The following SLAMF9 variants were observed in gnomAD, a reference collection of about 807,000 sequenced individuals.
The protein encoded by SLAMF9 is SLAM family member 9, also known as CD2 family member 10.
SLAMF9 carries 25 observed loss-of-function variants against 30.4 expected under a neutral mutation model. The observed-to-expected ratio is 0.82, with a 90% confidence interval of 0.60 to 1.15. The LOEUF (loss-of-function observed/expected upper bound fraction) is 1.15. SLAMF9 is among the 50% of genes most tolerant of loss of function. The probability of loss-of-function intolerance (pLI) is 0.00; values close to 1 mark genes in which losing one functional copy is unlikely to be tolerated. For missense variants in SLAMF9, 344 were observed against 346.1 expected (o/e 0.99, Z 0.05); for synonymous variants, 129 against 127.2 (o/e 1.01, Z -0.09).
At chr1:159,975,703 G>C in the SLAMF9 span, among the ~76,000 whole-genome samples, 1 of 152,230 alleles carries the variant, frequency 6.6e-6, no homozygotes, top group Non-Finnish European at 1.5e-5. Context: ...AGAGAGAGGT[G>C]TCAGCTGAAA....
the SLAMF9 span, chr1:159,977,001 A>G: frequency 9.3e-6 from 1 of 107,200 alleles, no homozygotes. Context: ...AAAGAAAGAA[A>G]GAAAGAGAAA....
At chr1:159,982,483 A>G in the SLAMF9 span, among the ~76,000 whole-genome samples, 3 of 152,116 alleles carry the variant, frequency 2.0e-5, no homozygotes, top group Non-Finnish European at 4.4e-5. Context: ...ATCCATGCAA[A>G]TGTTCCCTTC....
chr1:159,960,025 T>C, the SLAMF9 span, among the ~76,000 whole-genome samples: 2 of 151,760 alleles, frequency 1.3e-5, no homozygotes, highest in East Asian at 3.9e-4. Flanking sequence ...TATATATATA[T>C]ATATTATACT....
the SLAMF9 span, chr1:159,976,965 A>AGAAAGAAAGAAG: frequency 2.0e-4 from 10 of 51,218 alleles, no homozygotes; most frequent in African/African-American, 3.5e-4. Flanking sequence ...AGAAAGAGAA[A>AGAAAGAAAGAAG]GAAAGAAGGA....
rs1295039184 is a variant in SLAMF9 at position 159,954,130 on chromosome 1, G to A, written c.8C>T (p.Ala3Val). The change falls in exon 1 of 4, where the codon GCC becomes GTC. Residue 3 changes from alanine (A) to valine (V), a missense_variant. Coordinates refer to ENST00000368093, the MANE Select transcript of SLAMF9 (RefSeq NM_033438.4). ...CAGGAGAAGAAGCAGCCAAGGAAAGGCACACATGTCAGCAGCCCCCAGCCC... is the reference window on the plus strand; with the variant it reads ...CAGGAGAAGAAGCAGCCAAGGAAAGACACACATGTCAGCAGCCCCCAGCCC... MC[A>V]FPWLLLLLLL... The A allele has an allele frequency of 1.9e-6, 3 of 1,613,954 alleles. No homozygotes were observed. The highest frequency in any genetic ancestry group is 2.2e-5 in the South Asian group (2 of 91,086).
At chr1:159,969,065 G>C in the SLAMF9 span, among the ~76,000 whole-genome samples, 1 of 152,070 alleles carries the variant, frequency 6.6e-6, no homozygotes, top group Non-Finnish European at 1.5e-5. Flanking sequence ...AGAAGAAGAG[G>C]TAGGGAAGAG....
chr1:159,967,769 C>G, the SLAMF9 span, among the ~76,000 whole-genome samples: 2 of 152,136 alleles, frequency 1.3e-5, no homozygotes, highest in Non-Finnish European at 1.5e-5. Context: ...TGTTTTCATT[C>G]ATTTCTTTCA....
At chr1:159,964,428 G>A in the SLAMF9 span, among the ~76,000 whole-genome samples, 3 of 152,234 alleles carry the variant, frequency 2.0e-5, no homozygotes, top group East Asian at 3.9e-4. Context: ...AAGGACTGCC[G>A]CAGGGAAGCA....
the SLAMF9 span, among the ~76,000 whole-genome samples, chr1:159,982,704 G>T: frequency 7.2e-5 from 11 of 152,268 alleles, no homozygotes; most frequent in South Asian, 2.3e-3. Flanking sequence ...GTCTATATGG[G>T]TACATATGCA....
rs1651738987 is a variant in SLAMF9 at position 159,951,520 on chromosome 1, C to G, written c.*141G>C. On this transcript the variant is annotated 3_prime_UTR_variant, in exon 4 of 4. Coordinates refer to ENST00000368093, the MANE Select transcript of SLAMF9 (RefSeq NM_033438.4). ...TGGTCACTTAATTTGACTTTATTGC[C>G]AGCCAGTCTTCCCTCAGAAGTATGG... The G allele has an allele frequency of 1.4e-6, 1 of 725,090 alleles. No individual in the cohort carries two copies. The highest frequency in any genetic ancestry group is 2.3e-6 in the Non-Finnish European group (1 of 443,034). 44.9% of individuals were successfully genotyped at this position (725,090 alleles called of 1,614,324 possible). A position where few individuals can be genotyped will look rare whatever the true frequency, so the allele number is the denominator to read the frequency against.
At chr1:159,979,069 G>C in the SLAMF9 span, 5 of 152,172 alleles carry the variant, frequency 3.3e-5, no homozygotes, top group Non-Finnish European at 7.3e-5. Context: ...CAATGCTGTT[G>C]GCATTGTTTC....
At chr1:159,981,547 T>C in the SLAMF9 span, among the ~76,000 whole-genome samples, 1 of 152,226 alleles carries the variant, frequency 6.6e-6, no homozygotes, top group African/African-American at 2.4e-5. Context: ...CAGGGGGTGC[T>C]GGCAAACAAG....
the SLAMF9 span, among the ~76,000 whole-genome samples, chr1:159,982,102 T>G: frequency 1.3e-5 from 2 of 152,326 alleles, no homozygotes; most frequent in Non-Finnish European, 1.5e-5. Context: ...TGTCCTTCCT[T>G]CAATTCATCC....
chr1:159,977,489 A>G, the SLAMF9 span, among the ~76,000 whole-genome samples: 1 of 152,238 alleles, frequency 6.6e-6, no homozygotes, highest in Non-Finnish European at 1.5e-5. Context: ...CCCCAGTTAT[A>G]GAAAAGATTA....
chr1:159,971,462 T>TC, the SLAMF9 span, among the ~76,000 whole-genome samples: 31 of 152,148 alleles, frequency 2.0e-4, 1 homozygote, highest in East Asian at 6.0e-3. Context: ...GAGAACAAGG[T>TC]CCCTCAGGGA....
At chr1:159,973,995 C>A in the SLAMF9 span, 13 of 1,609,666 alleles carry the variant, frequency 8.1e-6, no homozygotes, top group Non-Finnish European at 1.1e-5. Flanking sequence ...ATTCTTCCAT[C>A]CCTGACATCA....
chr1:159,975,966 T>G, the SLAMF9 span, among the ~76,000 whole-genome samples: 3 of 152,206 alleles, frequency 2.0e-5, no homozygotes, highest in African/African-American at 7.2e-5. Context: ...AGTCTATATG[T>G]AACTTCAGGA....
At chr1:159,961,799 AGACG>A in the SLAMF9 span, among the ~76,000 whole-genome samples, 4 of 152,306 alleles carry the variant, frequency 2.6e-5, no homozygotes, top group African/African-American at 9.6e-5. Context: ...GAGGCTACAA[AGACG>A]GACTGCAGGC....
At chr1:159,957,896 C>G (rs938279763), upstream of SLAMF9, among the ~76,000 whole-genome samples, 1 of 152,146 alleles carries the variant, frequency 6.6e-6, no homozygotes, top group Non-Finnish European at 1.5e-5. Context: ...ATCTGAGAAG[C>G]AGAAGCTGGA....
Sources: gnomAD v4.1 joint callset for allele counts (sites outside exome capture counted in the v4.1 genomes callset) on GRCh38, gnomAD v4.1.1 for gene constraint, MANE v1.5 for transcripts, NCBI Gene and HGNC (gene_info 2026-07-23, HGNC 2026-07-21) for gene names.